Variants in KHDRBS2 observed in about 807,000 individuals in gnomAD.
The protein encoded by KHDRBS2 is KH RNA binding domain containing, signal transduction associated 2.
Under a neutral mutation model 44.3 loss-of-function variants are expected in KHDRBS2, and 26 were observed. The observed-to-expected ratio is 0.59, with a 90% CI of 0.43 to 0.81. KHDRBS2 has a LOEUF of 0.81. Among genes scored for constraint, KHDRBS2 ranks in the 40% least tolerant of loss-of-function variants. The pLI, the probability that KHDRBS2 is intolerant of heterozygous loss-of-function variation, is 0.00. For missense variants in KHDRBS2, 476 were observed against 433.1 expected (o/e 1.10, Z -0.88); for synonymous variants, 194 against 151.1 (o/e 1.28, Z -2.08).
intron 4 of KHDRBS2, among the ~76,000 whole-genome samples, chr6:61,941,543 C>T (rs751500901): frequency 3.3e-5 from 5 of 152,244 alleles, no homozygotes; most frequent in Admixed American, 6.5e-5. Context: ...ACCTCCACCA[C>T]TAGGGCCTGA....
intron 1 of KHDRBS2, among the ~76,000 whole-genome samples, chr6:62,260,591 A>AT (rs555583142): frequency 6.6e-6 from 1 of 151,898 alleles, no homozygotes; most frequent in Non-Finnish European, 1.5e-5. Context: ...GGTATTCAGA[A>AT]TTTTTTTTAA....
intron 6 of KHDRBS2, among the ~76,000 whole-genome samples, chr6:61,785,105 G>T (rs1229351182): frequency 6.6e-6 from 1 of 151,780 alleles, no homozygotes; most frequent in African/African-American, 2.4e-5. Flanking sequence ...AGTCATAATC[G>T]TGACACTATA....
chr6:61,773,863 G>T (rs1023241151), intron 6 of KHDRBS2, among the ~76,000 whole-genome samples: 5 of 149,818 alleles, frequency 3.3e-5, no homozygotes, highest in Non-Finnish European at 7.5e-5. Context: ...TCTACATATG[G>T]CTAGCCAGTT....
chr6:61,664,136 A>T, the KHDRBS2 span, among the ~76,000 whole-genome samples: 2 of 151,808 alleles, frequency 1.3e-5, no homozygotes, highest in African/African-American at 4.8e-5. Context: ...ACACTTACTG[A>T]TCTTTCTACT....
At chr6:61,949,189 T>C (rs982121362) in intron 4 of KHDRBS2, among the ~76,000 whole-genome samples, 1 of 152,052 alleles carries the variant, frequency 6.6e-6, no homozygotes. Context: ...ATAATTAACC[T>C]CTTTTGACTG....
chr6:61,916,663 CA>C (rs1807060893), intron 4 of KHDRBS2, among the ~76,000 whole-genome samples: 1 of 151,802 alleles, frequency 6.6e-6, no homozygotes, highest in African/African-American at 2.4e-5. Context: ...CCCAAATATA[CA>C]AAAAACTCAT....
intron 3 of KHDRBS2, among the ~76,000 whole-genome samples, chr6:62,010,855 C>G (rs1428529267): frequency 2.0e-5 from 3 of 152,042 alleles, no homozygotes; most frequent in Non-Finnish European, 4.4e-5. Context: ...AAAATGTTTA[C>G]TTTTTAAAAA....
chr6:61,830,610 A>G (rs1292386064), intron 6 of KHDRBS2, among the ~76,000 whole-genome samples: 1 of 152,166 alleles, frequency 6.6e-6, no homozygotes, highest in African/African-American at 2.4e-5. Flanking sequence ...CTAGTTGACA[A>G]CGAGGCTGGC....
intron 2 of KHDRBS2, among the ~76,000 whole-genome samples, chr6:62,097,211 G>A (rs926639371): frequency 2.0e-5 from 3 of 151,694 alleles, no homozygotes; most frequent in South Asian, 2.1e-4. Flanking sequence ...TGAAGCTGTT[G>A]AGTAGAATGT....
chr6:61,580,225 G>A, the KHDRBS2 span, among the ~76,000 whole-genome samples: 181 of 152,270 alleles, frequency 1.2e-3, 2 homozygotes, highest in African/African-American at 4.1e-3. Context: ...AAAAGTAAGA[G>A]GTGAAGCCAG....
chr6:61,613,696 A>G, the KHDRBS2 span, among the ~76,000 whole-genome samples: 1 of 152,190 alleles, frequency 6.6e-6, no homozygotes, highest in Non-Finnish European at 1.5e-5. Flanking sequence ...GATTCAGGGT[A>G]TTAATTCTAC....
chr6:61,826,790 C>G (rs1724220034), intron 6 of KHDRBS2, among the ~76,000 whole-genome samples: 1 of 152,120 alleles, frequency 6.6e-6, no homozygotes, highest in South Asian at 2.1e-4. Flanking sequence ...GACATTTCTA[C>G]TCACAAACCC....
intron 2 of KHDRBS2, among the ~76,000 whole-genome samples, chr6:62,149,211 C>G (rs1202519160): frequency 6.6e-6 from 1 of 151,954 alleles, no homozygotes; most frequent in African/African-American, 2.4e-5. Flanking sequence ...TAAAAAATAC[C>G]CACAATTCTT....
the KHDRBS2 span, among the ~76,000 whole-genome samples, chr6:61,671,069 T>C: frequency 6.6e-6 from 1 of 151,634 alleles, no homozygotes; most frequent in Non-Finnish European, 1.5e-5. Flanking sequence ...AAAAATTTCA[T>C]CATGTCTAAA....
chr6:62,015,082 G>A (rs1172502619), intron 3 of KHDRBS2, among the ~76,000 whole-genome samples: 1 of 152,052 alleles, frequency 6.6e-6, no homozygotes, highest in African/African-American at 2.4e-5. Context: ...GAATGTTAAT[G>A]CAACAAGGGA....
chr6:61,950,237 A>G (rs1180585315), intron 4 of KHDRBS2, among the ~76,000 whole-genome samples: 1 of 152,096 alleles, frequency 6.6e-6, no homozygotes, highest in Non-Finnish European at 1.5e-5. Context: ...CAGCTCCAAG[A>G]CTTGAATGGC....
the KHDRBS2 span, among the ~76,000 whole-genome samples, chr6:61,614,127 T>C: frequency 6.6e-6 from 1 of 152,192 alleles, no homozygotes; most frequent in Non-Finnish European, 1.5e-5. Context: ...TCCCAAATAG[T>C]GAGAACCTCA....
chr6:62,185,629 A>T (rs1823265746), intron 1 of KHDRBS2, among the ~76,000 whole-genome samples: 1 of 152,028 alleles, frequency 6.6e-6, no homozygotes. Flanking sequence ...TAACTGCTAG[A>T]CAATTTAAAT....
chr6:62,179,986 C>T (rs1038778281), intron 1 of KHDRBS2, among the ~76,000 whole-genome samples: 1 of 151,818 alleles, frequency 6.6e-6, no homozygotes, highest in Non-Finnish European at 1.5e-5. Context: ...ATATGCCAAA[C>T]TTGCCTGAGT....
Sources: allele counts gnomAD v4.1 joint callset (sites outside exome capture counted in the v4.1 genomes callset), GRCh38; gene constraint gnomAD v4.1.1; transcripts MANE v1.5; gene names NCBI Gene and HGNC (gene_info 2026-07-23, HGNC 2026-07-21).